The following UMAD1 variants were observed in gnomAD, a reference collection of about 807,000 sequenced individuals.
UMAD1 encodes UBAP1-MVB12-associated (UMA) domain containing 1.
UMAD1 carries 8 observed loss-of-function variants against 6.1 expected under a neutral mutation model. The observed-to-expected ratio is 1.30, with a 90% confidence interval of 0.76 to 2.35. UMAD1 has a LOEUF of 2.35. Among genes scored for constraint, UMAD1 ranks in the 30% most tolerant of loss-of-function variants. The pLI, the probability that UMAD1 is intolerant of heterozygous loss-of-function variation, is 0.00. For synonymous variants in UMAD1, 56 were observed against 31.4 expected, an observed-to-expected ratio of 1.78 and a Z score of -2.61; for missense variants, 130 against 78.4, an observed-to-expected ratio of 1.66 and a Z score of -2.49.
chr7:7,865,996 T>C (rs1276290750), intron 3 of UMAD1, among the ~76,000 whole-genome samples: 4 of 152,314 alleles, frequency 2.6e-5, no homozygotes, highest in East Asian at 3.9e-4. Flanking sequence ...ATCTCATGCT[T>C]GAGGAAATGG....
chr7:7,759,615 A>C (rs1159385747), intron 2 of UMAD1, among the ~76,000 whole-genome samples: 2 of 152,250 alleles, frequency 1.3e-5, no homozygotes, highest in African/African-American at 4.8e-5. Flanking sequence ...AAAAAGTACC[A>C]GGGAACCTGA....
chr7:7,775,335 A>C (rs1782181844), intron 2 of UMAD1, among the ~76,000 whole-genome samples: 2 of 152,216 alleles, frequency 1.3e-5, no homozygotes, highest in Non-Finnish European at 2.9e-5. Context: ...GGAGGGACCC[A>C]GTGGGAGGTA....
At chr7:7,778,174 C>G (rs557012791) in intron 2 of UMAD1, among the ~76,000 whole-genome samples, 12 of 151,540 alleles carry the variant, frequency 7.9e-5, no homozygotes, top group Non-Finnish European at 1.2e-4. Flanking sequence ...GGAGTATGCT[C>G]TTCTACACAG....
chr7:7,836,178 T>C (rs985544741), intron 3 of UMAD1, among the ~76,000 whole-genome samples: 4 of 152,082 alleles, frequency 2.6e-5, no homozygotes, highest in African/African-American at 9.6e-5. Flanking sequence ...TGTCAATTTG[T>C]GTACAATAAT....
intron 1 of UMAD1, among the ~76,000 whole-genome samples, chr7:7,647,674 TGTG>T (rs1233638028): frequency 6.6e-6 from 1 of 152,160 alleles, no homozygotes; most frequent in African/African-American, 2.4e-5. Flanking sequence ...GTGGCGTGAT[TGTG>T]GTGCAATGCA....
intron 3 of UMAD1, among the ~76,000 whole-genome samples, chr7:7,829,186 T>C (rs1334148625): frequency 6.6e-6 from 1 of 152,202 alleles, no homozygotes; most frequent in Admixed American, 6.5e-5. Context: ...ACAACAAATT[T>C]GGTGATAAGG....
intron 2 of UMAD1, among the ~76,000 whole-genome samples, chr7:7,720,727 C>T (rs1781031156): frequency 6.6e-6 from 1 of 152,026 alleles, no homozygotes; most frequent in South Asian, 2.1e-4. Context: ...AAACAAGGGG[C>T]ATTTTACTGA....
chr7:7,721,605 C>G (rs889070629), intron 2 of UMAD1, among the ~76,000 whole-genome samples: 2 of 152,138 alleles, frequency 1.3e-5, no homozygotes, highest in Non-Finnish European at 2.9e-5. Context: ...TGATCTTCTA[C>G]TGGAATGAAA....
At chr7:7,785,957 A>T (rs2115258583) in intron 2 of UMAD1, among the ~76,000 whole-genome samples, 1 of 152,330 alleles carries the variant, frequency 6.6e-6, no homozygotes, top group East Asian at 1.9e-4. Context: ...AATCATCCTA[A>T]CTACTCCTCT....
At chr7:7,806,243 G>GT (rs35024671) in intron 3 of UMAD1, among the ~76,000 whole-genome samples, 81,381 of 147,342 alleles carry the variant, frequency 0.55, 22,569 homozygotes, top group Middle Eastern at 0.65. Context: ...GAACAGCAGG[G>GT]TTTTTTTTTT....
intron 3 of UMAD1, among the ~76,000 whole-genome samples, chr7:7,815,757 G>A (rs564191660): frequency 6.6e-6 from 1 of 152,146 alleles, no homozygotes. Flanking sequence ...GCCTGGTAAG[G>A]AGCCTACTTT....
intron 2 of UMAD1, among the ~76,000 whole-genome samples, chr7:7,732,477 T>C (rs901458218): frequency 1.3e-5 from 2 of 152,216 alleles, no homozygotes; most frequent in Non-Finnish European, 2.9e-5. Context: ...TAAACCTTAA[T>C]CTTTGTTGTA....
chr7:7,729,141 C>G (rs1230200865), intron 2 of UMAD1, among the ~76,000 whole-genome samples: 9 of 152,140 alleles, frequency 5.9e-5, no homozygotes, highest in Non-Finnish European at 1.2e-4. Context: ...ACTGAGGGAA[C>G]AGCAATGTTT....
At position 7,804,104 on chromosome 7, in the gene UMAD1, C is replaced by T. The variant is rs969170802; in HGVS notation, c.156+2361C>T. On this transcript the variant is annotated intron_variant, in intron 3 of 3. Coordinates refer to ENST00000682710, the MANE Select transcript of UMAD1 (RefSeq NM_001302348.2). ...TAATCATTAAGGCTGGATGTACATA[C>T]TCATGCAGTAACAGATGTTTCAAAA... is the stretch of plus-strand genomic sequence containing the variant. Among the ~76,000 whole-genome samples, 4 of 152,140 alleles carry T rather than the reference C, an allele frequency of 2.6e-5. No individual in the cohort carries two copies. In the South Asian group the frequency reaches 8.3e-4, roughly 32 times the overall value.
At chr7:7,665,641 TC>T (rs1279159671) in intron 1 of UMAD1, among the ~76,000 whole-genome samples, 1 of 152,178 alleles carries the variant, frequency 6.6e-6, no homozygotes, top group Non-Finnish European at 1.5e-5. Flanking sequence ...ACCCATCACT[TC>T]CAAGAGTTTC....
At chr7:7,858,311 C>T (rs1190237098) in intron 3 of UMAD1, among the ~76,000 whole-genome samples, 1 of 152,180 alleles carries the variant, frequency 6.6e-6, no homozygotes, top group African/African-American at 2.4e-5. Context: ...TTTAAACCAC[C>T]TTATTTTTAC....
At chr7:7,764,584 T>C (rs899052321) in intron 2 of UMAD1, among the ~76,000 whole-genome samples, 6 of 152,184 alleles carry the variant, frequency 3.9e-5, no homozygotes, top group African/African-American at 1.4e-4. Context: ...AAGGCAGTGA[T>C]GGGAGCTGGA....
At position 7,858,588 on chromosome 7, in the gene UMAD1, C is replaced by T. The variant is rs555803857; in HGVS notation, c.157-18693C>T. ...ACTACCTAGAAACTTTGGTGAAATA[C>T]GTAATCATCTGGGTCCTAGAGAGCT... On this transcript the variant is annotated intron_variant, in intron 3 of 3. Transcript: ENST00000682710. 8.5e-5 allele frequency among the ~76,000 whole-genome samples: 13 copies of T among 152,306 alleles called. No individual in the cohort carries two copies. The South Asian group carries it at 2.3e-3, about 27-fold the overall frequency.
intron 1 of UMAD1, among the ~76,000 whole-genome samples, chr7:7,671,016 A>G (rs989230693): frequency 6.6e-6 from 1 of 152,178 alleles, no homozygotes; most frequent in Non-Finnish European, 1.5e-5. Context: ...TACAACGGAA[A>G]TGGGCACTGG....
Sources: allele counts gnomAD v4.1 joint callset (sites outside exome capture counted in the v4.1 genomes callset), GRCh38; gene constraint gnomAD v4.1.1; transcripts MANE v1.5; gene names NCBI Gene and HGNC (gene_info 2026-07-23, HGNC 2026-07-21).